The following TENM3 variants were observed in gnomAD, a reference collection of about 807,000 sequenced individuals.
The protein encoded by TENM3 is teneurin transmembrane protein 3.
In TENM3, 63 loss-of-function variants were observed where a neutral mutation model predicts 255.1. The observed-to-expected ratio is 0.25, with a 90% CI of 0.20 to 0.30. TENM3 has a LOEUF of 0.30. Ranked by LOEUF, TENM3 falls within the 10% of genes least tolerant of loss-of-function variation. The probability of loss-of-function intolerance (pLI) is 1.00; values close to 1 mark genes in which losing one functional copy is unlikely to be tolerated. For missense variants in TENM3, 2,929 were observed against 3,461.1 expected, an observed-to-expected ratio of 0.85 and a Z score of 3.86; for synonymous variants, 1,306 against 1,322.3, an observed-to-expected ratio of 0.99 and a Z score of 0.27.
the TENM3 span, among the ~76,000 whole-genome samples, chr4:181,475,331 T>G: frequency 6.6e-6 from 1 of 152,230 alleles, no homozygotes; most frequent in East Asian, 1.9e-4. Context: ...ATGAAAATAC[T>G]ATGAAGAAAG....
At chr4:181,668,200 A>G in the TENM3 span, among the ~76,000 whole-genome samples, 8 of 152,276 alleles carry the variant, frequency 5.3e-5, no homozygotes, top group Middle Eastern at 3.4e-3. Context: ...CACACATACA[A>G]TGTGTTCAAA....
intron 5 of TENM3, among the ~76,000 whole-genome samples, chr4:182,650,889 A>AT (rs1554007797): frequency 4.7e-4 from 14 of 29,764 alleles, no homozygotes; most frequent in African/African-American, 9.4e-4. Flanking sequence ...AATAAAAAAA[A>AT]ATATATATAT....
At chr4:182,548,600 G>A (rs1158231688) in intron 3 of TENM3, 1 of 152,180 alleles carries the variant, frequency 6.6e-6, no homozygotes, top group Non-Finnish European at 1.5e-5. Context: ...TGGCAAGCGT[G>A]TGGGACATTT....
the TENM3 span, among the ~76,000 whole-genome samples, chr4:181,908,404 G>A: frequency 1.3e-5 from 2 of 152,058 alleles, no homozygotes; most frequent in African/African-American, 2.4e-5. Context: ...CCCACACATA[G>A]CCCAACTACA....
At chr4:182,046,795 G>C in the TENM3 span, among the ~76,000 whole-genome samples, 18,960 of 152,090 alleles carry the variant, frequency 0.12, 1,267 homozygotes, top group Middle Eastern at 0.16. Context: ...ACTATTATTT[G>C]AGATAATTAT....
At chr4:181,616,771 A>C in the TENM3 span, among the ~76,000 whole-genome samples, 1 of 152,136 alleles carries the variant, frequency 6.6e-6, no homozygotes, top group Non-Finnish European at 1.5e-5. Context: ...TGGGTGTCTC[A>C]GCTCCAGAAA....
intron 3 of TENM3, among the ~76,000 whole-genome samples, chr4:182,553,976 T>C (rs2151944947): frequency 6.6e-6 from 1 of 152,346 alleles, no homozygotes. Flanking sequence ...TTCAGTAATA[T>C]ACTTAGGAAG....
chr4:181,773,759 A>G, the TENM3 span, among the ~76,000 whole-genome samples: 1 of 152,174 alleles, frequency 6.6e-6, no homozygotes, highest in African/African-American at 2.4e-5. Context: ...GGTTGTGTTT[A>G]TAACTGCCTA....
intron 6 of TENM3, among the ~76,000 whole-genome samples, chr4:182,668,345 G>A (rs1245146933): frequency 6.6e-6 from 1 of 152,014 alleles, no homozygotes. Context: ...GTTATTGAGG[G>A]TCTATTAATA....
Position 182,647,125 on chromosome 4 carries a change from G to A in TENM3, c.989-6646G>A, listed in dbSNP as rs749135117. On this transcript the variant is annotated intron_variant, in intron 5 of 27. Transcript: ENST00000511685. ...AGTAAGATGCTGGTCACTTCATACC[G>A]TCTGGGTTAAGTTTCCGACTTTGTG... Among the ~76,000 whole-genome samples, 7 of 152,144 alleles carry A rather than the reference G, an allele frequency of 4.6e-5. No homozygotes were observed. In the South Asian group the frequency reaches 6.2e-4, roughly 13 times the overall value.
chr4:182,708,916 G>C (rs899580103), intron 12 of TENM3, among the ~76,000 whole-genome samples: 23 of 151,946 alleles, frequency 1.5e-4, no homozygotes, highest in African/African-American at 5.6e-4. Context: ...GTAAATAATT[G>C]AAACTCCAGG....
intron 3 of TENM3, among the ~76,000 whole-genome samples, chr4:182,364,946 A>G (rs566430276): frequency 6.6e-6 from 1 of 152,326 alleles, no homozygotes; most frequent in African/African-American, 2.4e-5. Context: ...GTGGAATTTC[A>G]GAGCCAAAGG....
chr4:181,766,212 C>T, the TENM3 span, among the ~76,000 whole-genome samples: 4 of 152,132 alleles, frequency 2.6e-5, no homozygotes, highest in African/African-American at 4.8e-5. Context: ...CAACTGGGAT[C>T]CAAGTCTCTC....
the TENM3 span, among the ~76,000 whole-genome samples, chr4:182,070,481 G>A: frequency 6.6e-6 from 1 of 152,074 alleles, no homozygotes; most frequent in Non-Finnish European, 1.5e-5. Flanking sequence ...GTTGGGTGTA[G>A]CGGCACACGC....
the TENM3 span, among the ~76,000 whole-genome samples, chr4:181,493,667 C>T: frequency 2.0e-5 from 3 of 151,958 alleles, no homozygotes; most frequent in African/African-American, 7.3e-5. Flanking sequence ...GGCACAGGAG[C>T]CAAGAGGCGC....
intron 1 of TENM3, among the ~76,000 whole-genome samples, chr4:182,274,911 C>T (rs1759890360): frequency 1.3e-5 from 2 of 152,002 alleles, no homozygotes; most frequent in Non-Finnish European, 2.9e-5. Flanking sequence ...GCAACCTCTG[C>T]CTCCCGGGTT....
At chr4:182,506,493 TTCTC>T (rs1325031341) in intron 3 of TENM3, among the ~76,000 whole-genome samples, 2 of 152,188 alleles carry the variant, frequency 1.3e-5, no homozygotes, top group African/African-American at 4.8e-5. Context: ...GTCTTGCTCT[TTCTC>T]TCTCCCTTCT....
At chr4:181,871,199 T>C in the TENM3 span, among the ~76,000 whole-genome samples, 1 of 152,014 alleles carries the variant, frequency 6.6e-6, no homozygotes, top group Non-Finnish European at 1.5e-5. Context: ...ATTTTATTCT[T>C]CTTTTTCATG....
the TENM3 span, among the ~76,000 whole-genome samples, chr4:181,587,455 C>T: frequency 2.0e-5 from 3 of 152,190 alleles, no homozygotes; most frequent in Non-Finnish European, 4.4e-5. Context: ...CGTCTCTTAT[C>T]TTTCATCAGT....
Sources: allele counts gnomAD v4.1 joint callset (sites outside exome capture counted in the v4.1 genomes callset), GRCh38; gene constraint gnomAD v4.1.1; transcripts MANE v1.5; gene names NCBI Gene and HGNC (gene_info 2026-07-23, HGNC 2026-07-21).